Variants in SHTN1 observed in about 807,000 individuals in gnomAD.
The protein encoded by SHTN1 is shootin 1.
Under a neutral mutation model 83.1 loss-of-function variants are expected in SHTN1, and 42 were observed. The observed-to-expected ratio is 0.51, with a 90% CI of 0.39 to 0.65. SHTN1 has a LOEUF of 0.65. Ranked by LOEUF, SHTN1 falls within the 30% of genes least tolerant of loss-of-function variation. SHTN1 has a pLI of 0.00. For synonymous variants in SHTN1, 224 were observed against 247.7 expected (o/e 0.90, Z 0.90); for missense variants, 622 against 737.8 (o/e 0.84, Z 1.82).
At chr10:117,009,491 GA>G (rs1852069712), upstream of SHTN1, among the ~76,000 whole-genome samples, 2 of 152,114 alleles carry the variant, frequency 1.3e-5, no homozygotes, top group South Asian at 4.1e-4. Context: ...GTAACCAAAA[GA>G]GAGTTGGGGT....
intron 1 of SHTN1, among the ~76,000 whole-genome samples, chr10:116,983,443 A>G (rs867013912): frequency 6.6e-6 from 1 of 152,152 alleles, no homozygotes. Context: ...AAAAGGGGCT[A>G]AAGATCTACT....
At position 117,101,015 on chromosome 10, in the gene SHTN1, G is replaced by T. The variant is rs1403774071; in HGVS notation, c.-189+25292C>A. ...TGGTAAAGACTGGATTTTAGGCTAA[G>T]ACCTAAGAAGGTTGAGAAACCCTTG... On this transcript the variant is annotated intron_variant, in intron 1 of 17. Transcript: ENST00000392901. Among the ~76,000 whole-genome samples the T allele has an allele frequency of 4.6e-5, 7 of 152,206 alleles. No individual in the cohort carries two copies. The East Asian group carries it at 1.3e-3, about 29-fold the overall frequency.
intron 1 of SHTN1, among the ~76,000 whole-genome samples, chr10:117,050,511 T>C (rs892846816): frequency 6.6e-6 from 1 of 152,120 alleles, no homozygotes; most frequent in Non-Finnish European, 1.5e-5. Context: ...AATAATCTAA[T>C]TGTACACCTT....
intron 14 of SHTN1, among the ~76,000 whole-genome samples, 182 bp from the exon 15 acceptor site, chr10:116,906,929 A>T (rs1847992292): frequency 6.6e-6 from 1 of 152,226 alleles, no homozygotes; most frequent in Non-Finnish European, 1.5e-5. Flanking sequence ...GTGTTGGATC[A>T]TTTAAGAAGA....
chr10:116,886,127 TA>T lies in SHTN1; in HGVS notation c.*216del. On this transcript the variant is annotated 3_prime_UTR_variant, in exon 17 of 17. Transcript: ENST00000355371. ...AACTAGGAAAAAAACCTCATCTTTA[TA>T]AAGATCAAAAAACCAAAACCTACTA... 1.6e-6 allele frequency: 1 copy of T among 612,718 alleles called. No individual in the cohort carries two copies. Among genetic ancestry groups the T allele is most frequent in the Non-Finnish European group, 2.7e-6 (1 of 366,018 alleles). 38.0% of individuals were successfully genotyped at this position (612,718 alleles called of 1,614,324 possible).
intron 1 of SHTN1, among the ~76,000 whole-genome samples, chr10:117,073,403 C>T (rs1201910923): frequency 1.3e-5 from 2 of 152,168 alleles, no homozygotes; most frequent in Admixed American, 6.5e-5. Flanking sequence ...GAAGTACATA[C>T]TATTATTTAG....
At chr10:117,067,102 T>C (rs917750199) in intron 1 of SHTN1, among the ~76,000 whole-genome samples, 4 of 152,144 alleles carry the variant, frequency 2.6e-5, no homozygotes, top group African/African-American at 9.7e-5. Context: ...TACATATGCC[T>C]GAGGAGAAAG....
rs573055396 is a variant in SHTN1 at position 117,100,441 on chromosome 10, A to C, written c.-189+25866T>G. 9.2e-5 allele frequency among the ~76,000 whole-genome samples: 14 copies of C among 152,352 alleles called. No homozygotes were observed. The South Asian group carries it at 2.9e-3, about 32-fold the overall frequency. ...TAGAAAAATTTGCCAAACCTGAAGT[A>C]GATAATCAATAAATGTATGTTTTCT... On this transcript the variant is annotated intron_variant, in intron 1 of 17. Coordinates refer to the SHTN1 transcript ENST00000392901.
At chr10:117,016,857 AC>A (rs1852188128) in intron 2 of SHTN1, among the ~76,000 whole-genome samples, 1 of 152,228 alleles carries the variant, frequency 6.6e-6, no homozygotes, top group South Asian at 2.1e-4. Context: ...ATAGGTACAT[AC>A]ATAAAGGTAT....
At chr10:116,900,036 T>C (rs972342774) in intron 16 of SHTN1, among the ~76,000 whole-genome samples, 2 of 152,198 alleles carry the variant, frequency 1.3e-5, no homozygotes, top group Non-Finnish European at 1.5e-5. Flanking sequence ...GGGTAAATAA[T>C]TACCTATACA....
chr10:117,114,960 C>G (rs1439058858), intron 1 of SHTN1, among the ~76,000 whole-genome samples: 1 of 152,192 alleles, frequency 6.6e-6, no homozygotes, highest in African/African-American at 2.4e-5. Flanking sequence ...ACTTGTCACT[C>G]TGTAACAAAT....
At chr10:116,982,227 C>T (rs557044682) in intron 1 of SHTN1, among the ~76,000 whole-genome samples, 1 of 152,264 alleles carries the variant, frequency 6.6e-6, no homozygotes, top group East Asian at 1.9e-4. Context: ...CTCCCAATTA[C>T]TGAGTATTTA....
At chr10:117,108,581 T>G (rs1013988084) in intron 1 of SHTN1, among the ~76,000 whole-genome samples, 1 of 134,992 alleles carries the variant, frequency 7.4e-6, no homozygotes. Context: ...GGGGGAGGGA[T>G]AGAATTAGGA....
At chr10:116,966,289 T>C (rs1370429774) in intron 3 of SHTN1, among the ~76,000 whole-genome samples, 2 of 152,206 alleles carry the variant, frequency 1.3e-5, no homozygotes, top group African/African-American at 4.8e-5. Context: ...ATTACAGGCG[T>C]GAGCCACTGC....
At chr10:117,089,595 C>G (rs1406520894) in intron 1 of SHTN1, among the ~76,000 whole-genome samples, 1 of 151,992 alleles carries the variant, frequency 6.6e-6, no homozygotes, top group Non-Finnish European at 1.5e-5. Flanking sequence ...ATAAACTGAA[C>G]TACATCAAGA....
intron 1 of SHTN1, among the ~76,000 whole-genome samples, chr10:117,056,391 A>G (rs1482112587): frequency 6.6e-6 from 1 of 152,256 alleles, no homozygotes. Flanking sequence ...CAGGTATGCA[A>G]GTTTAGTTCA....
chr10:117,103,830 A>C (rs530564803), intron 1 of SHTN1, among the ~76,000 whole-genome samples: 123 of 151,992 alleles, frequency 8.1e-4, no homozygotes, highest in Admixed American at 3.8e-3. Context: ...GCCACCGCAC[A>C]CGGCCAATGT....
At chr10:117,042,073 G>A (rs900471136) in intron 2 of SHTN1, among the ~76,000 whole-genome samples, 25 of 152,144 alleles carry the variant, frequency 1.6e-4, no homozygotes, top group African/African-American at 5.3e-4. Flanking sequence ...AGAGGAAGCA[G>A]GTAAGGAGAA....
chr10:116,914,228 C>A (rs1247393203), intron 13 of SHTN1, among the ~76,000 whole-genome samples: 1 of 152,116 alleles, frequency 6.6e-6, no homozygotes, highest in Admixed American at 6.6e-5. Context: ...AATCCCAACA[C>A]TTTGGGAGGC....
Sources: allele counts gnomAD v4.1 joint callset (sites outside exome capture counted in the v4.1 genomes callset), GRCh38; gene constraint gnomAD v4.1.1; transcripts MANE v1.5; gene names NCBI Gene and HGNC (gene_info 2026-07-23, HGNC 2026-07-21).